Variants in DCLK1 observed in about 807,000 individuals in gnomAD.
DCLK1 encodes serine/threonine-protein kinase DCLK1.
DCLK1 carries 16 observed loss-of-function variants against 86.2 expected under a neutral mutation model. The observed-to-expected ratio is 0.19, with a 90% CI of 0.13 to 0.28. The LOEUF (loss-of-function observed/expected upper bound fraction) is 0.28, where lower values mean the gene tolerates loss of function less well. Among genes scored for constraint, DCLK1 ranks in the 10% least tolerant of loss-of-function variants. The pLI is 1.00. For synonymous variants in DCLK1, 369 were observed against 370.5 expected (o/e 1.00, Z 0.05); for missense variants, 590 against 940.2 (o/e 0.63, Z 4.87).
chr13:35,817,755 A>G (rs1321335445), intron 11 of DCLK1, among the ~76,000 whole-genome samples: 1 of 152,164 alleles, frequency 6.6e-6, no homozygotes, highest in Non-Finnish European at 1.5e-5. Flanking sequence ...TCTTTCAGGG[A>G]AAGAAGTCTA....
At chr13:35,973,618 C>A (rs1302083884) in intron 3 of DCLK1, among the ~76,000 whole-genome samples, 1 of 152,114 alleles carries the variant, frequency 6.6e-6, no homozygotes, top group Non-Finnish European at 1.5e-5. Flanking sequence ...AGGTGCTCAA[C>A]AAATGAATGA....
At chr13:35,822,898 A>G (rs2087429377) in intron 10 of DCLK1, 23 bp from the exon 11 acceptor site, 1 of 1,613,196 alleles carries the variant, frequency 6.2e-7, no homozygotes, top group African/African-American at 1.3e-5. Context: ...CAGAAGCTGA[A>G]GCAGCACATT....
chr13:36,054,459 A>G (rs1376747512), intron 3 of DCLK1, among the ~76,000 whole-genome samples: 1 of 152,214 alleles, frequency 6.6e-6, no homozygotes, highest in African/African-American at 2.4e-5. Flanking sequence ...CCTTCACAAC[A>G]TAGCTGGGCT....
chr13:35,851,710 T>G (rs1390979410), intron 6 of DCLK1, among the ~76,000 whole-genome samples: 1 of 152,114 alleles, frequency 6.6e-6, no homozygotes, highest in African/African-American at 2.4e-5. Flanking sequence ...TTCGGAAAAA[T>G]AGGTTACTTG....
At chr13:36,100,351 C>T (rs1451364021) in intron 3 of DCLK1, among the ~76,000 whole-genome samples, 2 of 152,050 alleles carry the variant, frequency 1.3e-5, no homozygotes, top group African/African-American at 2.4e-5. Flanking sequence ...TGTACTCTAG[C>T]CTGGGTGACA....
At chr13:36,012,389 C>T (rs1281782207) in intron 3 of DCLK1, among the ~76,000 whole-genome samples, 10 of 151,652 alleles carry the variant, frequency 6.6e-5, no homozygotes, top group East Asian at 3.9e-4. Context: ...CCATGTTTAG[C>T]GCTTCCTTCA....
At chr13:35,831,267 A>G (rs1357518462) in intron 8 of DCLK1, among the ~76,000 whole-genome samples, 1 of 152,234 alleles carries the variant, frequency 6.6e-6, no homozygotes, top group Non-Finnish European at 1.5e-5. Context: ...GGGCCGAACT[A>G]CAAAGCCACA....
intron 3 of DCLK1, among the ~76,000 whole-genome samples, chr13:36,094,702 A>G (rs1420587673): frequency 6.6e-6 from 1 of 152,222 alleles, no homozygotes; most frequent in Non-Finnish European, 1.5e-5. Flanking sequence ...GCCGGGAAGC[A>G]CTTTACATTT....
chr13:36,069,201 A>C (rs765727248), intron 3 of DCLK1, among the ~76,000 whole-genome samples: 2 of 152,202 alleles, frequency 1.3e-5, no homozygotes, highest in South Asian at 4.1e-4. Context: ...AGTCCAGAAA[A>C]TAATGCTTGG....
chr13:35,788,528 T>C (rs948643325), intron 16 of DCLK1, among the ~76,000 whole-genome samples: 1 of 152,228 alleles, frequency 6.6e-6, no homozygotes, highest in East Asian at 1.9e-4. Context: ...AGTTTTTGAA[T>C]GACCATTTTA....
intron 3 of DCLK1, among the ~76,000 whole-genome samples, chr13:35,953,496 C>T (rs778819585): frequency 3.9e-5 from 6 of 152,110 alleles, no homozygotes; most frequent in South Asian, 2.1e-4. Context: ...TCAAGGAAGA[C>T]ATATTCCTTT....
At chr13:35,779,699 G>A (rs1197861365) in intron 16 of DCLK1, among the ~76,000 whole-genome samples, 1 of 152,172 alleles carries the variant, frequency 6.6e-6, no homozygotes. Context: ...GTCAGATAAA[G>A]TTAAAATTCT....
intron 16 of DCLK1, among the ~76,000 whole-genome samples, chr13:35,776,339 T>C (rs1372460861): frequency 1.3e-5 from 2 of 152,224 alleles, no homozygotes; most frequent in Non-Finnish European, 2.9e-5. Flanking sequence ...TAGTCTGTCT[T>C]ACATAAAAAG....
At chr13:35,896,301 G>A (rs1415313706) in intron 4 of DCLK1, among the ~76,000 whole-genome samples, 1 of 152,050 alleles carries the variant, frequency 6.6e-6, no homozygotes, top group Non-Finnish European at 1.5e-5. Context: ...CACTTTGGGA[G>A]GCCAAGGAGG....
chr13:35,776,325 T>A (rs2086424213), intron 16 of DCLK1, among the ~76,000 whole-genome samples: 1 of 152,232 alleles, frequency 6.6e-6, no homozygotes, highest in Non-Finnish European at 1.5e-5. Context: ...AACAGACGTC[T>A]ATTTAGTCTG....
intron 3 of DCLK1, 37 bp downstream of exon 3, chr13:36,111,832 C>T (rs1333790835): frequency 6.4e-7 from 1 of 1,570,414 alleles, no homozygotes; most frequent in African/African-American, 1.3e-5. Flanking sequence ...CTGGTTCTTG[C>T]CTTAAAGTCA....
intron 3 of DCLK1, among the ~76,000 whole-genome samples, chr13:36,049,813 T>C (rs1883061842): frequency 6.6e-6 from 1 of 151,968 alleles, no homozygotes; most frequent in Admixed American, 6.6e-5. Flanking sequence ...AACAGTGGAG[T>C]TGTCAGAATA....
intron 4 of DCLK1, among the ~76,000 whole-genome samples, chr13:35,917,050 G>T (rs2153126033): frequency 6.6e-6 from 1 of 152,176 alleles, no homozygotes; most frequent in East Asian, 1.9e-4. Context: ...TGAACAAACA[G>T]GCCTTGCTTA....
chr13:36,078,873 A>T (rs915490820), intron 3 of DCLK1, among the ~76,000 whole-genome samples: 3 of 152,194 alleles, frequency 2.0e-5, no homozygotes, highest in Non-Finnish European at 4.4e-5. Flanking sequence ...CATTTTTACT[A>T]GGCTTTGGAA....
Sources: gnomAD v4.1 joint callset for allele counts (sites outside exome capture counted in the v4.1 genomes callset) on GRCh38, gnomAD v4.1.1 for gene constraint, MANE v1.5 for transcripts, NCBI Gene and HGNC (gene_info 2026-07-23, HGNC 2026-07-21) for gene names.